Variants in CDC42SE2 observed in about 807,000 individuals in gnomAD.
CDC42SE2 encodes CDC42 small effector protein 2.
A neutral mutation model predicts 11.5 loss-of-function variants in CDC42SE2; 3 were observed. The observed-to-expected ratio is 0.26, with a 90% CI of 0.12 to 0.67. CDC42SE2 has a LOEUF of 0.67. Ranked by LOEUF, CDC42SE2 falls within the 30% of genes least tolerant of loss-of-function variation. The pLI, the probability that CDC42SE2 is intolerant of heterozygous loss-of-function variation, is 0.80. For missense variants in CDC42SE2, 82 were observed against 106.8 expected (o/e 0.77, Z 1.02); for synonymous variants, 33 against 34.8 (o/e 0.95, Z 0.18).
At chr5:131,340,971 G>A (rs1177039512) in intron 2 of CDC42SE2, among the ~76,000 whole-genome samples, 2 of 152,032 alleles carry the variant, frequency 1.3e-5, no homozygotes, top group African/African-American at 2.4e-5. Context: ...ACCACCATGC[G>A]TGGCCTGAGT....
intron 2 of CDC42SE2, among the ~76,000 whole-genome samples, chr5:131,350,129 T>C (rs920838833): frequency 2.8e-4 from 42 of 152,098 alleles, no homozygotes; most frequent in African/African-American, 1.0e-3. Flanking sequence ...TTGTGGTAAA[T>C]CAACTTGACC....
chr5:131,260,156 A>T (rs972452982), upstream of CDC42SE2, among the ~76,000 whole-genome samples: 2 of 152,218 alleles, frequency 1.3e-5, no homozygotes, highest in African/African-American at 4.8e-5. Context: ...AGGTAATATT[A>T]TTGGTCTTAT....
intron 2 of CDC42SE2, among the ~76,000 whole-genome samples, chr5:131,353,617 C>T (rs775995005): frequency 6.6e-6 from 1 of 152,046 alleles, no homozygotes. Context: ...AAATTTTTGT[C>T]ATTTAAGGCT....
At chr5:131,310,259 G>C (rs1268333009) in intron 1 of CDC42SE2, among the ~76,000 whole-genome samples, 66 of 151,896 alleles carry the variant, frequency 4.3e-4, no homozygotes, top group African/African-American at 1.6e-3. Context: ...GAGCGGTTTT[G>C]AGTGAGATTC....
chr5:131,292,937 GAAAC>G lies in CDC42SE2; in HGVS notation c.-454-23034_-454-23031del, dbSNP rs200745886. 5.8e-3 allele frequency among the ~76,000 whole-genome samples: 668 copies of G among 116,068 alleles called. 24 individuals are homozygous for G. Among genetic ancestry groups the G allele is most frequent in the Admixed American group, 0.038 (438 of 11,470 alleles). 76.1% of individuals were successfully genotyped at this position (116,068 alleles called of 152,430 possible). On this transcript the variant is annotated intron_variant, in intron 1 of 4. Transcript: ENST00000505065. Reference sequence around the variant, plus strand: ...AAAAAAAAAAAAAAAAAAAAAAACAGAAACAAACTATAATACAGCAAAAGAACAT... The same window carrying G: ...AAAAAAAAAAAAAAAAAAAAAAACAGAAACTATAATACAGCAAAAGAACAT...
At chr5:131,321,376 A>G (rs1406194355) in intron 2 of CDC42SE2, among the ~76,000 whole-genome samples, 2 of 152,200 alleles carry the variant, frequency 1.3e-5, no homozygotes, top group East Asian at 1.9e-4. Flanking sequence ...AGTTACTGAT[A>G]TTAGCTGGGT....
chr5:131,332,124 C>T (rs868289728), intron 2 of CDC42SE2, among the ~76,000 whole-genome samples: 61 of 152,250 alleles, frequency 4.0e-4, no homozygotes, highest in South Asian at 1.2e-3. Flanking sequence ...CCACTCCCCC[C>T]ACTCCACAAC....
At chr5:131,327,112 C>T (rs1190283115) in intron 2 of CDC42SE2, among the ~76,000 whole-genome samples, 1 of 152,146 alleles carries the variant, frequency 6.6e-6, no homozygotes, top group African/African-American at 2.4e-5. Context: ...TAATTTTCAT[C>T]CCTTTCCCTT....
chr5:131,363,142 A>T (rs1175868586), intron 3 of CDC42SE2, among the ~76,000 whole-genome samples: 3 of 137,918 alleles, frequency 2.2e-5, no homozygotes, highest in African/African-American at 7.7e-5. Context: ...GACTCTATCT[A>T]AAAAAAAAAA....
chr5:131,361,621 G>T (rs1314569490), intron 3 of CDC42SE2, among the ~76,000 whole-genome samples: 1 of 152,194 alleles, frequency 6.6e-6, no homozygotes, highest in Non-Finnish European at 1.5e-5. Flanking sequence ...AGGGACAGAA[G>T]GCTTTCTGTA....
chr5:131,247,834 C>G (rs1756608900), intron 1 of CDC42SE2, among the ~76,000 whole-genome samples: 1 of 151,952 alleles, frequency 6.6e-6, no homozygotes, highest in Admixed American at 6.6e-5. Flanking sequence ...GAGACAGGTC[C>G]TTTCTTTGTT....
intron 2 of CDC42SE2, among the ~76,000 whole-genome samples, chr5:131,325,166 G>T (rs965206873): frequency 3.3e-5 from 5 of 151,982 alleles, no homozygotes; most frequent in Admixed American, 6.6e-5. Flanking sequence ...TAGGTATTTT[G>T]CTTTCTTTTG....
intron 1 of CDC42SE2, among the ~76,000 whole-genome samples, chr5:131,285,324 T>A (rs533826127): frequency 6.6e-6 from 1 of 151,932 alleles, no homozygotes; most frequent in Non-Finnish European, 1.5e-5. Context: ...CAACAGTAGC[T>A]GTATCTTTGT....
At chr5:131,316,451 T>A (rs140871218) in intron 2 of CDC42SE2, among the ~76,000 whole-genome samples, 1 of 152,346 alleles carries the variant, frequency 6.6e-6, no homozygotes, top group East Asian at 1.9e-4. Flanking sequence ...GAAATGATGG[T>A]CATGATAGTT....
At chr5:131,286,631 G>A (rs548906552) in intron 1 of CDC42SE2, among the ~76,000 whole-genome samples, 5 of 151,742 alleles carry the variant, frequency 3.3e-5, no homozygotes, top group Admixed American at 1.3e-4. Context: ...CTGAGACAGC[G>A]AGACCAACCC....
intron 1 of CDC42SE2, among the ~76,000 whole-genome samples, chr5:131,292,101 T>C (rs894267260): frequency 6.6e-6 from 1 of 151,470 alleles, no homozygotes; most frequent in Non-Finnish European, 1.5e-5. Flanking sequence ...TAGCTAGGCA[T>C]GGTGGCGCAT....
chr5:131,277,883 TC>T (rs1757136520), intron 1 of CDC42SE2, among the ~76,000 whole-genome samples: 1 of 152,186 alleles, frequency 6.6e-6, no homozygotes, highest in African/African-American at 2.4e-5. Context: ...AGTAGGGACT[TC>T]CTTTGTCTTA....
At chr5:131,291,581 A>G (rs1561574096) in intron 1 of CDC42SE2, among the ~76,000 whole-genome samples, 1 of 152,156 alleles carries the variant, frequency 6.6e-6, no homozygotes, top group East Asian at 1.9e-4. Flanking sequence ...TTTTCTCATT[A>G]AAGAAGTAAA....
intron 1 of CDC42SE2, among the ~76,000 whole-genome samples, chr5:131,310,016 C>G (rs1317536028): frequency 1.3e-5 from 2 of 152,112 alleles, no homozygotes; most frequent in African/African-American, 2.4e-5. Flanking sequence ...TCTTGCTTGT[C>G]TAGTTCTTTT....
Sources: gnomAD v4.1 joint callset for allele counts (sites outside exome capture counted in the v4.1 genomes callset) on GRCh38, gnomAD v4.1.1 for gene constraint, MANE v1.5 for transcripts, NCBI Gene and HGNC (gene_info 2026-07-23, HGNC 2026-07-21) for gene names.